OR3A2: variants seen among roughly 807,000 people sequenced by gnomAD.
OR3A2 encodes the protein olfactory receptor 3A2.
For synonymous variants in OR3A2, 126 were observed against 159.3 expected (o/e 0.79, Z 1.57); for missense variants, 318 against 392.8 (o/e 0.81, Z 1.61).
chr17:3,384,055 A>C (rs2049760309), intron 1 of OR3A2, among the ~76,000 whole-genome samples: 1 of 151,804 alleles, frequency 6.6e-6, no homozygotes, highest in African/African-American at 2.4e-5. Flanking sequence ...TATACAGATC[A>C]CTGCACAAGA....
intron 3 of OR3A2, among the ~76,000 whole-genome samples, chr17:3,317,812 T>A (rs1335940633): frequency 1.3e-5 from 2 of 152,084 alleles, no homozygotes; most frequent in African/African-American, 4.8e-5. Context: ...TAGGAATTTA[T>A]CTCCCCAGGC....
At chr17:3,341,900 C>A (rs1161301694) in intron 2 of OR3A2, among the ~76,000 whole-genome samples, 3 of 152,190 alleles carry the variant, frequency 2.0e-5, no homozygotes, top group Non-Finnish European at 4.4e-5. Context: ...TTCAGGTACA[C>A]CAATCAAATG....
chr17:3,355,848 TTTG>T (rs1401108065), intron 2 of OR3A2, among the ~76,000 whole-genome samples: 1 of 151,402 alleles, frequency 6.6e-6, no homozygotes, highest in African/African-American at 2.4e-5. Flanking sequence ...CTCCTGCCTT[TTTG>T]TTATTTGTTT....
intron 2 of OR3A2, among the ~76,000 whole-genome samples, chr17:3,338,846 A>C (rs1425942658): frequency 6.6e-6 from 1 of 152,118 alleles, no homozygotes; most frequent in Non-Finnish European, 1.5e-5. Context: ...GAATCTGTAG[A>C]TTACCTTGGA....
chr17:3,328,696 G>C (rs868377865), intron 3 of OR3A2, among the ~76,000 whole-genome samples: 4 of 148,862 alleles, frequency 2.7e-5, no homozygotes, highest in Non-Finnish European at 4.4e-5. Context: ...CTGTGGGTTT[G>C]TCATAGATAG....
rs201439962 is a variant in OR3A2 at position 3,367,599 on chromosome 17, G to GTATATATAATATATATATATATATATA, written c.-179+16204_-179+16205insTATATATATATATATATATTATATATA. Among the ~76,000 whole-genome samples, 42 of 85,952 alleles carry GTATATATAATATATATATATATATATA rather than the reference G, an allele frequency of 4.9e-4. 1 individual carries two copies. Among genetic ancestry groups the GTATATATAATATATATATATATATATA allele is most frequent in the African/African-American group, 2.1e-3 (42 of 19,794 alleles). The allele number at this position is 85,952 out of a possible 152,430, so 56.4% of individuals were successfully genotyped here. ...GGTGTATATGTATATGTGTGTGTGT[G>GTATATATAATATATATATATATATATA]TGTATATATATATATATATATATGC... is the stretch of plus-strand genomic sequence containing the variant. On this transcript the variant is annotated intron_variant, in intron 2 of 4. Transcript: ENST00000573491.
intron 3 of OR3A2, among the ~76,000 whole-genome samples, chr17:3,333,561 T>C (rs977060151): frequency 6.6e-6 from 1 of 152,184 alleles, no homozygotes; most frequent in African/African-American, 2.4e-5. Context: ...CCTGCCAATA[T>C]GTGATGTCAC....
intron 3 of OR3A2, among the ~76,000 whole-genome samples, chr17:3,334,437 G>A (rs1267243390): frequency 6.6e-6 from 1 of 152,022 alleles, no homozygotes; most frequent in Non-Finnish European, 1.5e-5. Flanking sequence ...CTAACATAAT[G>A]ACCCCCAGTT....
chr17:3,288,184 A>G (rs751119716), upstream of OR3A2, among the ~76,000 whole-genome samples: 13 of 140,748 alleles, frequency 9.2e-5, no homozygotes, highest in Non-Finnish European at 1.4e-4. Flanking sequence ...AAGAATTACC[A>G]TTTTAAAACA....
intron 2 of OR3A2, among the ~76,000 whole-genome samples, chr17:3,349,867 G>A (rs1567564066): frequency 1.3e-5 from 2 of 152,100 alleles, no homozygotes; most frequent in East Asian, 1.9e-4. Context: ...TAGAACTCAT[G>A]ATTAAGAATC....
chr17:3,386,090 C>T, intron 1 of OR3A2, 35 bp downstream of exon 1: 1 of 398,756 alleles, frequency 2.5e-6, no homozygotes, highest in African/African-American at 2.1e-5. Context: ...TCCGACGGGG[C>T]CCTCCGCTCC....
chr17:3,347,277 G>A (rs923015280), intron 2 of OR3A2, among the ~76,000 whole-genome samples: 1 of 151,460 alleles, frequency 6.6e-6, no homozygotes, highest in African/African-American at 2.4e-5. Flanking sequence ...AAGTTTTAGG[G>A]TACATGTGCA....
intron 2 of OR3A2, 131 bp from the exon 2 acceptor site, chr17:3,336,257 T>C (rs1286546919): frequency 6.6e-6 from 1 of 152,224 alleles, no homozygotes; most frequent in Non-Finnish European, 1.5e-5. Flanking sequence ...TCAGTGATGA[T>C]AATTCATTTT....
intron 3 of OR3A2, among the ~76,000 whole-genome samples, chr17:3,332,550 T>G (rs990368540): frequency 1.3e-5 from 2 of 152,234 alleles, no homozygotes; most frequent in African/African-American, 4.8e-5. Context: ...TGCCTCGCCC[T>G]GCTTCAGCTG....
intron 3 of OR3A2, among the ~76,000 whole-genome samples, chr17:3,319,569 T>TC (rs1168964671): frequency 1.3e-5 from 2 of 152,030 alleles, no homozygotes; most frequent in South Asian, 2.1e-4. Flanking sequence ...ATGTTCCCCT[T>TC]CCGGGTCCAT....
chr17:3,358,636 G>C (rs899733927), intron 2 of OR3A2, among the ~76,000 whole-genome samples: 2 of 151,724 alleles, frequency 1.3e-5, no homozygotes, highest in Non-Finnish European at 2.9e-5. Context: ...GCTGTGGTCT[G>C]AGAGTATGTT....
chr17:3,329,277 G>A (rs1365198460), intron 3 of OR3A2, among the ~76,000 whole-genome samples: 2 of 150,970 alleles, frequency 1.3e-5, no homozygotes, highest in African/African-American at 4.9e-5. Context: ...AATAGTTTCA[G>A]AAGGAATGGT....
upstream of OR3A2, among the ~76,000 whole-genome samples, chr17:3,288,357 G>C (rs2048834980): frequency 6.6e-6 from 1 of 151,044 alleles, no homozygotes; most frequent in Non-Finnish European, 1.5e-5. Flanking sequence ...GGTCAACAAA[G>C]CCTGCATACA....
rs2048913586 is a variant in OR3A2, at chr17:3,295,725, A to G, written c.-84-16572T>C. On this transcript the variant is annotated intron_variant, in intron 3 of 4. Transcript: ENST00000573491. ...AAACCAAGTTAATTAGAAAGGGTGA[A>G]AGGTAAAGGAATACCAGTCAGATGT... Among the ~76,000 whole-genome samples the G allele has an allele frequency of 2.0e-5, 3 of 152,158 alleles. No homozygotes were observed. The South Asian group carries it at 6.2e-4, about 31-fold the overall frequency.
Sources: gnomAD v4.1 joint callset for allele counts (sites outside exome capture counted in the v4.1 genomes callset) on GRCh38, gnomAD v4.1.1 for gene constraint, MANE v1.5 for transcripts, NCBI Gene and HGNC (gene_info 2026-07-23, HGNC 2026-07-21) for gene names.